TYW3: variants seen among roughly 807,000 people sequenced by gnomAD.
The protein encoded by TYW3 is tRNA wybutosine-synthesizing protein 3 homolog.
In TYW3, 26 loss-of-function variants were observed where a neutral mutation model predicts 23.1. The ratio of observed to expected loss-of-function variants is 1.13; its 90% CI spans 0.83 to 1.56. TYW3 has a LOEUF of 1.56. Ranked by LOEUF, TYW3 falls within the 40% of genes most tolerant of loss-of-function variation. TYW3 has a pLI of 0.00. For missense variants in TYW3, 316 were observed against 311.9 expected, an observed-to-expected ratio of 1.01 and a Z score of -0.10; for synonymous variants, 102 against 105.7, an observed-to-expected ratio of 0.97 and a Z score of 0.21.
At chr1:74,750,574 T>TA (rs928976119) in intron 4 of TYW3, among the ~76,000 whole-genome samples, 3 of 151,162 alleles carry the variant, frequency 2.0e-5, no homozygotes, top group Non-Finnish European at 3.0e-5. Context: ...AAAAATAAAA[T>TA]AAAAAAAACC....
At chr1:74,742,739 C>CT (rs1648409458) in intron 3 of TYW3, among the ~76,000 whole-genome samples, 1 of 152,174 alleles carries the variant, frequency 6.6e-6, no homozygotes, top group Non-Finnish European at 1.5e-5. Context: ...TAGGAACTCC[C>CT]TTTCTTTCCA....
intron 1 of TYW3, chr1:74,733,628 A>G (rs1648003977): frequency 3.4e-6 from 3 of 888,578 alleles, no homozygotes; most frequent in Non-Finnish European, 4.0e-6. Flanking sequence ...CTTTTAAAAT[A>G]CAGATCCCGA....
rs184648479 is a variant in TYW3, at chr1:74,747,849, A to C, written c.355-902A>C. Among the ~76,000 whole-genome samples, 296 of 151,160 alleles carry C rather than the reference A, an allele frequency of 2.0e-3. 2 individuals are homozygous for C. The highest frequency in any genetic ancestry group is 6.9e-3 in the African/African-American group (284 of 41,224). On this transcript the variant is annotated intron_variant, in intron 3 of 5. Transcript: ENST00000370867. ...TATATGGGTGCGTATATATGTGTAT[A>C]CACATATGTATGTATACATACACAT...
chr1:74,750,067 T>A (rs1455197957), intron 4 of TYW3: 1 of 152,294 alleles, frequency 6.6e-6, no homozygotes, highest in Non-Finnish European at 1.5e-5. Flanking sequence ...CCTTCTTCTT[T>A]GTTTCCATAT....
intron 3 of TYW3, among the ~76,000 whole-genome samples, chr1:74,743,653 GA>G (rs1648442476): frequency 6.6e-6 from 1 of 152,076 alleles, no homozygotes; most frequent in Non-Finnish European, 1.5e-5. Context: ...AGATGTTTAT[GA>G]CTCCAGTCCC....
chr1:74,755,841 T>G (rs934995149), intron 5 of TYW3, among the ~76,000 whole-genome samples: 5 of 152,180 alleles, frequency 3.3e-5, no homozygotes, highest in African/African-American at 1.2e-4. Flanking sequence ...AAAGAGATAG[T>G]GATATGGTTT....
At chr1:74,737,022 C>G (rs1212458275) in intron 2 of TYW3, among the ~76,000 whole-genome samples, 1 of 152,202 alleles carries the variant, frequency 6.6e-6, no homozygotes, top group Non-Finnish European at 1.5e-5. Flanking sequence ...ACCTGCATTG[C>G]TTTTTGAAAA....
rs1649265397 is a variant in TYW3, at chr1:74,765,287, A to G, written c.*1174A>G. The G allele has an allele frequency of 6.6e-6, 1 of 152,164 alleles. No individual in the cohort carries two copies. The highest frequency in any genetic ancestry group is 2.1e-4 in the South Asian group (1 of 4,834). 9.4% of individuals were successfully genotyped at this position (152,164 alleles called of 1,614,324 possible). ...GCAGTGTACCTGTGCCAGGGATTTC[A>G]TGTGTACACTTTATAGGAGAATAAG... On this transcript the variant is annotated 3_prime_UTR_variant, in exon 6 of 6. Coordinates refer to ENST00000370867, the MANE Select transcript of TYW3 (RefSeq NM_138467.3).
chr1:74,736,466 C>A lies in TYW3; in HGVS notation c.175-76C>A, dbSNP rs138927411. 5.5e-4 allele frequency: 559 copies of A among 1,022,138 alleles called. 1 individual carries two copies. The African/African-American group carries it at 7.9e-3, about 14-fold the overall frequency. 63.3% of individuals were successfully genotyped at this position (1,022,138 alleles called of 1,614,324 possible). On this transcript the variant is annotated intron_variant, in intron 1 of 5. Transcript: ENST00000370867. ...GGGATTATTAATTTAAGAAAGCCTA[C>A]AATATACTATGCATTATGCTTATTA... is the stretch of plus-strand genomic sequence containing the variant.
intron 3 of TYW3, among the ~76,000 whole-genome samples, chr1:74,745,818 G>T (rs1404569722): frequency 6.6e-6 from 1 of 152,204 alleles, no homozygotes; most frequent in Non-Finnish European, 1.5e-5. Flanking sequence ...TGAAGGTACT[G>T]GCAGGGGTAG....
At chr1:74,741,738 A>G (rs1253629548) in intron 3 of TYW3, among the ~76,000 whole-genome samples, 2 of 152,224 alleles carry the variant, frequency 1.3e-5, no homozygotes, top group East Asian at 3.9e-4. Flanking sequence ...AGCATTTCAT[A>G]GGGACTGAGC....
At chr1:74,752,244 T>C (rs1648808049) in intron 4 of TYW3, 48 bp from the exon 5 acceptor site, 4 of 1,538,426 alleles carry the variant, frequency 2.6e-6, no homozygotes, top group Non-Finnish European at 3.5e-6. Context: ...TTATTTTCAG[T>C]TTCTGTGGTA....
intron 2 of TYW3, among the ~76,000 whole-genome samples, chr1:74,738,428 T>C (rs1192820820): frequency 1.3e-5 from 2 of 152,226 alleles, no homozygotes; most frequent in Non-Finnish European, 2.9e-5. Context: ...TTAAATAAAG[T>C]AGTAGTTTAC....
chr1:74,741,463 T>G (rs1467497831), intron 3 of TYW3, among the ~76,000 whole-genome samples: 1 of 150,168 alleles, frequency 6.7e-6, no homozygotes, highest in Non-Finnish European at 1.5e-5. Flanking sequence ...ATTCCACTCC[T>G]GCCATCTTAA....
chr1:74,733,400 C>A lies in TYW3; in HGVS notation c.156C>A (p.Arg52=). ...TCACCACCAGCTCCTGCGCTGGCCGCATCCTACTCCTTGACCGGGTGAGGC... is the reference window on the plus strand; with the variant it reads ...TCACCACCAGCTCCTGCGCTGGCCGAATCCTACTCCTTGACCGGGTGAGGC... The part of the protein sequence containing the change: ...QFFTTSSCAG[R]ILLLDRGING... Residue 52 remains arginine (R), a synonymous_variant, in exon 1 of 6, where the codon CGC becomes CGA. Transcript: ENST00000370867. The A allele has an allele frequency of 1.9e-6, 3 of 1,614,248 alleles. No individual in the cohort carries two copies. Among genetic ancestry groups the A allele is most frequent in the Non-Finnish European group, 2.5e-6 (3 of 1,180,040 alleles).
chr1:74,758,420 C>G (rs1227301330), intron 5 of TYW3, among the ~76,000 whole-genome samples: 1 of 152,204 alleles, frequency 6.6e-6, no homozygotes, highest in African/African-American at 2.4e-5. Flanking sequence ...CATTTACCAG[C>G]CATTTTCATG....
At chr1:74,745,116 G>A (rs1326859699) in intron 3 of TYW3, among the ~76,000 whole-genome samples, 1 of 152,034 alleles carries the variant, frequency 6.6e-6, no homozygotes, top group Admixed American at 6.6e-5. Context: ...GGAGTTGTTT[G>A]TTCCTCCCGG....
In TYW3 at chr1:74,738,752, T is replaced by G. The variant is rs969120656; in HGVS notation, c.318T>G (p.His106Gln). The G allele has an allele frequency of 3.7e-6, 6 of 1,611,300 alleles. No homozygotes were observed. Among genetic ancestry groups the G allele is most frequent in the Non-Finnish European group, 4.2e-6 (5 of 1,177,946 alleles). ...TGAAATTTGAACCATTTGTTCTTCA[T>G]GTGCAGTGTCGACAATTGCAGGATG... Reference protein sequence around the residue: ...ATLKFEPFVLHVQCRQLQDAQ... With the variant: ...ATLKFEPFVLQVQCRQLQDAQ... Residue 106 changes from histidine (H) to glutamine (Q), a missense_variant, in exon 3 of 6, where the codon CAT becomes CAG. Physicochemically the swap from His to Gln is conservative, Grantham distance 24. Coordinates refer to ENST00000370867, the MANE Select transcript of TYW3 (RefSeq NM_138467.3).
chr1:74,747,155 AG>A (rs1648589394), intron 3 of TYW3, among the ~76,000 whole-genome samples: 1 of 152,186 alleles, frequency 6.6e-6, no homozygotes, highest in Admixed American at 6.5e-5. Context: ...CCAGAAGTTA[AG>A]GAGAGAGGTG....
Sources: allele counts gnomAD v4.1 joint callset (sites outside exome capture counted in the v4.1 genomes callset), GRCh38; gene constraint gnomAD v4.1.1; transcripts MANE v1.5; gene names NCBI Gene and HGNC (gene_info 2026-07-23, HGNC 2026-07-21).